ADRA1A: variants seen among roughly 807,000 people sequenced by gnomAD.
The protein encoded by ADRA1A is alpha-1A adrenergic receptor.
A neutral mutation model predicts 29.6 loss-of-function variants in ADRA1A; 31 were observed. The ratio of observed to expected loss-of-function variants is 1.05; its 90% CI spans 0.79 to 1.41. ADRA1A has a LOEUF of 1.41. Ranked by LOEUF, ADRA1A falls within the 40% of genes most tolerant of loss-of-function variation. The pLI, the probability that ADRA1A is intolerant of heterozygous loss-of-function variation, is 0.00. For synonymous variants in ADRA1A, 311 were observed against 254.3 expected, an observed-to-expected ratio of 1.22 and a Z score of -2.12; for missense variants, 619 against 601.1, an observed-to-expected ratio of 1.03 and a Z score of -0.31.
chr8:26,865,809 G>C lies in ADRA1A; in HGVS notation c.-686-154C>G. The C allele has an allele frequency of 3.0e-6, 2 of 677,866 alleles. No individual in the cohort carries two copies. Among genetic ancestry groups the C allele is most frequent in the Non-Finnish European group, 3.6e-6 (2 of 549,268 alleles). 42.0% of individuals were successfully genotyped at this position (677,866 alleles called of 1,614,324 possible). ...CCCGGCAGCGGTGGAGGCGACTTCG[G>C]AGCTCATCTCGCGCCCCCACCACTG... On this transcript the variant is annotated intron_variant, in intron 1 of 2. Coordinates refer to ENST00000380573, the MANE Select transcript of ADRA1A (RefSeq NM_000680.4). The surrounding 1 kb of genome is among the most constrained non-coding windows in gnomAD (Gnocchi z 7.6).
At chr8:26,758,699 A>T (rs758723902) in intron 2 of ADRA1A, among the ~76,000 whole-genome samples, 1 of 152,186 alleles carries the variant, frequency 6.6e-6, no homozygotes. Context: ...AGGTCCTTCC[A>T]GTGCCCTTCC....
downstream of ADRA1A, chr8:26,766,134 T>G (rs765906061): frequency 6.2e-7 from 1 of 1,609,378 alleles, no homozygotes; most frequent in Non-Finnish European, 8.5e-7. Flanking sequence ...GTGAAATATC[T>G]ACAATCCATT....
At chr8:26,750,690 G>A (rs879889229) in intron 2 of ADRA1A, among the ~76,000 whole-genome samples, 6 of 152,242 alleles carry the variant, frequency 3.9e-5, no homozygotes, top group Non-Finnish European at 7.3e-5. Context: ...ATACAAGCAA[G>A]TTGGGTATAG....
rs1266348547 is a variant in ADRA1A, at chr8:26,787,073, T to A, written c.884-16407A>T. ...GATGAGGAAACTGAGGCTTAAGGAGTTTAATTTGCAACTAAGGAAAATAGC... is the reference window on the plus strand; with the variant it reads ...GATGAGGAAACTGAGGCTTAAGGAGATTAATTTGCAACTAAGGAAAATAGC... On this transcript the variant is annotated intron_variant, in intron 2 of 2. Coordinates refer to ENST00000380573, the MANE Select transcript of ADRA1A (RefSeq NM_000680.4). This position sits in a 1 kb window ranked among gnomAD's most constrained non-coding sequence, Gnocchi z 4.2. Among the ~76,000 whole-genome samples the A allele has an allele frequency of 1.3e-5, 2 of 152,128 alleles. No individual in the cohort carries two copies. Among genetic ancestry groups the A allele is most frequent in the African/African-American group, 2.4e-5 (1 of 41,414 alleles).
At chr8:26,853,432 A>G (rs1336828249) in intron 2 of ADRA1A, among the ~76,000 whole-genome samples, 2 of 152,218 alleles carry the variant, frequency 1.3e-5, no homozygotes, top group Non-Finnish European at 2.9e-5. Flanking sequence ...AATAATTTTG[A>G]AAAAGAATAT....
Position 26,789,510 on chromosome 8 carries a change from C to G in ADRA1A, c.884-18844G>C, listed in dbSNP as rs190071643. Reference sequence around the variant, plus strand: ...CTATCTCTCCCCTTATATAAAAATTCACCAAAACAGTTTCAAAACTTAAAT... The same window carrying G: ...CTATCTCTCCCCTTATATAAAAATTGACCAAAACAGTTTCAAAACTTAAAT... On this transcript the variant is annotated intron_variant, in intron 2 of 2. Coordinates refer to ENST00000380573, the MANE Select transcript of ADRA1A (RefSeq NM_000680.4). 2.0e-5 allele frequency among the ~76,000 whole-genome samples: 3 copies of G among 152,204 alleles called. No individual in the cohort carries two copies. The East Asian group carries it at 5.8e-4, about 29-fold the overall frequency.
At chr8:26,804,080 C>T (rs1444083077) in intron 2 of ADRA1A, among the ~76,000 whole-genome samples, 1 of 151,996 alleles carries the variant, frequency 6.6e-6, no homozygotes, top group East Asian at 1.9e-4. Flanking sequence ...TGCCACCACA[C>T]TTGGTTAATT....
intron 2 of ADRA1A, among the ~76,000 whole-genome samples, chr8:26,845,430 T>C (rs1358385397): frequency 1.3e-5 from 2 of 152,154 alleles, no homozygotes; most frequent in African/African-American, 4.8e-5. Context: ...TTTTAAAAAA[T>C]GACAAGTAAT....
chr8:26,787,039 C>T lies in ADRA1A; in HGVS notation c.884-16373G>A, dbSNP rs1419608908. 6.6e-6 allele frequency among the ~76,000 whole-genome samples: 1 copy of T among 152,194 alleles called. No homozygotes were observed. The highest frequency in any genetic ancestry group is 2.4e-5 in the African/African-American group (1 of 41,446). ...CATGATGTGACTGTATTACCAACCT[C>T]ATCTTACAGATGAGGAAACTGAGGC... On this transcript the variant is annotated intron_variant, in intron 2 of 2. Coordinates refer to ENST00000380573, the MANE Select transcript of ADRA1A (RefSeq NM_000680.4). This position sits in a 1 kb window ranked among gnomAD's most constrained non-coding sequence, Gnocchi z 4.2.
Position 26,769,405 on chromosome 8 carries a change from T to G in ADRA1A, c.*744A>C. The G allele has an allele frequency of 1.0e-6, 1 of 985,438 alleles. No individual in the cohort carries two copies. The highest frequency in any genetic ancestry group is 1.2e-6 in the Non-Finnish European group (1 of 829,938). The allele number at this position is 985,438 out of a possible 1,614,324, so 61.0% of individuals were successfully genotyped here. A position where few individuals can be genotyped will look rare whatever the true frequency, so the allele number is the denominator to read the frequency against. On this transcript the variant is annotated 3_prime_UTR_variant, in exon 3 of 3. Coordinates refer to ENST00000380573, the MANE Select transcript of ADRA1A (RefSeq NM_000680.4). ...TTAAATTGAAAGAATGATGCTCAGG[T>G]CTATTGTTTTCTCTTGGGAAAAGCC... is the stretch of plus-strand genomic sequence containing the variant.
At position 26,769,652 on chromosome 8, in the gene ADRA1A, G is replaced by A. The variant is rs1247189854; in HGVS notation, c.*497C>T. ...TTTCAGGACTTGCTCTAAAAATAAT[G>A]TGTCTGGATCTCGGCCACCATCTTA... On this transcript the variant is annotated 3_prime_UTR_variant, in exon 3 of 3. Transcript: ENST00000380573. 2.0e-6 allele frequency: 2 copies of A among 985,716 alleles called. No individual in the cohort carries two copies. The highest frequency in any genetic ancestry group is 1.7e-5 in the African/African-American group (1 of 57,352). The allele number at this position is 985,716 out of a possible 1,614,324, so 61.1% of individuals were successfully genotyped here.
At chr8:26,807,351 T>C (rs1487889791) in intron 2 of ADRA1A, among the ~76,000 whole-genome samples, 2 of 152,174 alleles carry the variant, frequency 1.3e-5, no homozygotes, top group African/African-American at 4.8e-5. Flanking sequence ...AGCACATGGG[T>C]GGCTAAAAAT....
chr8:26,776,264 C>T (rs1233962341), intron 2 of ADRA1A, among the ~76,000 whole-genome samples: 1 of 152,226 alleles, frequency 6.6e-6, no homozygotes, highest in Non-Finnish European at 1.5e-5. Flanking sequence ...CTTAGTTCAA[C>T]TGTTTCTCTC....
chr8:26,830,881 AGG>A (rs1486167318), intron 2 of ADRA1A, among the ~76,000 whole-genome samples: 3 of 152,156 alleles, frequency 2.0e-5, no homozygotes. Flanking sequence ...AGATGAGGTT[AGG>A]GTCATTGCGG....
chr8:26,850,286 CA>C (rs1317237815), intron 2 of ADRA1A, among the ~76,000 whole-genome samples: 1 of 151,716 alleles, frequency 6.6e-6, no homozygotes, highest in East Asian at 1.9e-4. Context: ...GAGTACTTGA[CA>C]AAAAAACAAT....
chr8:26,763,222 G>A (rs1374819255), downstream of ADRA1A, among the ~76,000 whole-genome samples: 2 of 152,152 alleles, frequency 1.3e-5, no homozygotes, highest in African/African-American at 2.4e-5. This position sits in a 1 kb window ranked among gnomAD's most constrained non-coding sequence, Gnocchi z 4.5. Context: ...GGTGTGGGGT[G>A]CCATGTCCAG....
At position 26,790,043 on chromosome 8, in the gene ADRA1A, G is replaced by A. The variant is rs1316052953; in HGVS notation, c.884-19377C>T. 2.6e-5 allele frequency among the ~76,000 whole-genome samples: 4 copies of A among 152,098 alleles called. No individual in the cohort carries two copies. In the East Asian group the frequency reaches 7.7e-4, roughly 29 times the overall value. Reference sequence around the variant, plus strand: ...GTACAGCCATTGTAAAGAACATTATGGTGGTTCCTCAAAAAACCAAATACA... The same window carrying A: ...GTACAGCCATTGTAAAGAACATTATAGTGGTTCCTCAAAAAACCAAATACA... On this transcript the variant is annotated intron_variant, in intron 2 of 2. Coordinates refer to ENST00000380573, the MANE Select transcript of ADRA1A (RefSeq NM_000680.4).
Position 26,864,451 on chromosome 8 carries a change from C to T in ADRA1A, c.519G>A (p.Glu173=), listed in dbSNP as rs202246334. The T allele has an allele frequency of 1.9e-6, 3 of 1,613,494 alleles. No individual in the cohort carries two copies. The highest frequency in any genetic ancestry group is 1.3e-5 in the African/African-American group (1 of 75,042). Residue 173 remains glutamate, a synonymous_variant, in exon 2 of 3, where the codon GAG becomes GAA. Transcript: ENST00000380573. This position sits in a 1 kb window ranked among gnomAD's most constrained non-coding sequence, Gnocchi z 8.1. ...FGWRQPAPED[E]TICQINEEPG... is the part of the protein sequence containing the mutation. ...GCTCCTCGTTGATCTGGCAGATGGTCTCGTCCTCGGGGGCCGGCTGCCTCC... is the reference window on the plus strand; with the variant it reads ...GCTCCTCGTTGATCTGGCAGATGGTTTCGTCCTCGGGGGCCGGCTGCCTCC...
rs1183759684 is a variant in ADRA1A at position 26,806,089 on chromosome 8, T to C, written c.884-35423A>G. On this transcript the variant is annotated intron_variant, in intron 2 of 2. Transcript: ENST00000380573. The surrounding 1 kb of genome is among the most constrained non-coding windows in gnomAD (Gnocchi z 4.6). ...TTTATCCTTCCAGGCATGTGGCAGC[T>C]TTACCTAATGACCGAACTCCCGAAT... 6.6e-6 allele frequency among the ~76,000 whole-genome samples: 1 copy of C among 152,196 alleles called. No individual in the cohort carries two copies. The highest frequency in any genetic ancestry group is 2.4e-5 in the African/African-American group (1 of 41,452).
Sources: gnomAD v4.1 joint callset for allele counts (sites outside exome capture counted in the v4.1 genomes callset) on GRCh38, gnomAD v4.1.1 for gene constraint, Gnocchi (gnomAD v3.1) non-coding constraint, MANE v1.5 for transcripts, NCBI Gene and HGNC (gene_info 2026-07-23, HGNC 2026-07-21) for gene names.